CCM2: variants seen among roughly 807,000 people sequenced by gnomAD.
CCM2 encodes cerebral cavernous malformations 2 protein.
In CCM2, 25 loss-of-function variants were observed where a neutral mutation model predicts 44.9. The ratio of observed to expected loss-of-function variants is 0.56; its 90% CI spans 0.41 to 0.78. The LOEUF is 0.78. Among genes scored for constraint, CCM2 ranks in the 30% least tolerant of loss-of-function variants. The pLI, the probability that CCM2 is intolerant of heterozygous loss-of-function variation, is 0.00. For missense variants in CCM2, 481 were observed against 580.6 expected (o/e 0.83, Z 1.76); for synonymous variants, 219 against 241.1 (o/e 0.91, Z 0.85).
chr7:45,068,284 G>A, intron 4 of CCM2, 159 bp from the exon 5 acceptor site: 1 of 865,334 alleles, frequency 1.2e-6, no homozygotes, highest in East Asian at 2.5e-5. Context: ...GAGAAGCGAA[G>A]TGTGTCTGGT....
intron 1 of CCM2, among the ~76,000 whole-genome samples, chr7:45,002,310 C>T (rs143585576): frequency 4.9e-4 from 75 of 152,330 alleles, no homozygotes; most frequent in African/African-American, 1.7e-3. Flanking sequence ...ATGGTAGCTA[C>T]GCCTGTAATC....
At chr7:45,047,377 C>G (rs949006052) in intron 2 of CCM2, among the ~76,000 whole-genome samples, 2 of 152,152 alleles carry the variant, frequency 1.3e-5, no homozygotes, top group East Asian at 1.9e-4. Flanking sequence ...GAAGACTATT[C>G]AATAATACAA....
chr7:45,022,333 G>C (rs1796513517), intron 1 of CCM2, among the ~76,000 whole-genome samples: 1 of 100,558 alleles, frequency 9.9e-6, no homozygotes, highest in Non-Finnish European at 1.8e-5. Context: ...ATGGAGTCTT[G>C]CTCTGTTGCC....
chr7:45,013,239 ACTCC>A (rs984003041), intron 1 of CCM2, among the ~76,000 whole-genome samples: 1 of 145,714 alleles, frequency 6.9e-6, no homozygotes, highest in African/African-American at 2.5e-5. Flanking sequence ...TTCCATTTGT[ACTCC>A]CTCCTGTTTT....
Position 45,038,270 on chromosome 7 carries a change from A to G in CCM2, c.48A>G (p.Pro16=), listed in dbSNP as rs142320735. 4.3e-6 allele frequency: 7 copies of G among 1,614,048 alleles called. No homozygotes were observed. The highest frequency in any genetic ancestry group is 5.9e-6 in the Non-Finnish European group (7 of 1,180,044). ...KKGKKPGIVS[P]FKRVFLKGEK... ...GCCTGCAGCCTGGAATTGTCTCGCCATTTAAACGAGTATTCCTAAAAGGTG... is the reference window on the plus strand; with the variant it reads ...GCCTGCAGCCTGGAATTGTCTCGCCGTTTAAACGAGTATTCCTAAAAGGTG... Residue 16 remains proline, a synonymous_variant, in exon 2 of 10, where the codon CCA becomes CCG. Coordinates refer to ENST00000258781, the MANE Select transcript of CCM2 (RefSeq NM_031443.4).
intron 4 of CCM2, among the ~76,000 whole-genome samples, chr7:45,067,279 G>A (rs1798827741): frequency 6.7e-6 from 1 of 149,802 alleles, no homozygotes; most frequent in Non-Finnish European, 1.5e-5. Flanking sequence ...TGCAATCTCC[G>A]CCCCCCGAGT....
At chr7:45,052,679 A>G (rs967807159) in intron 2 of CCM2, among the ~76,000 whole-genome samples, 3 of 152,210 alleles carry the variant, frequency 2.0e-5, no homozygotes, top group Admixed American at 2.0e-4. Context: ...TAAAGATTCC[A>G]TTTAGCTCAG....
chr7:45,002,343 T>G (rs1795672268), intron 1 of CCM2, among the ~76,000 whole-genome samples: 1 of 152,146 alleles, frequency 6.6e-6, no homozygotes. Context: ...AGGCCAAGGC[T>G]CGATCACTTT....
chr7:45,057,314 C>T (rs183836416), intron 2 of CCM2, among the ~76,000 whole-genome samples: 240 of 152,220 alleles, frequency 1.6e-3, no homozygotes, highest in African/African-American at 5.6e-3. Context: ...AGGTGTGCGC[C>T]GCCACACCCG....
intron 4 of CCM2, among the ~76,000 whole-genome samples, chr7:45,065,151 TAGAATTGGGC>T (rs11276086): frequency 0.23 from 35,637 of 151,724 alleles, 4,568 homozygotes; most frequent in African/African-American, 0.34. Flanking sequence ...CACAATGGGA[TAGAATTGGGC>T]AGAATTGGGC....
At chr7:45,053,706 T>G (rs1192805650) in intron 2 of CCM2, among the ~76,000 whole-genome samples, 1 of 152,130 alleles carries the variant, frequency 6.6e-6, no homozygotes, top group Non-Finnish European at 1.5e-5. Context: ...AGCTTCCCCT[T>G]CGGAGGCTGG....
intron 6 of CCM2, chr7:45,072,360 CAG>C (rs1263043521): frequency 1.5e-5 from 6 of 391,044 alleles, no homozygotes; most frequent in Non-Finnish European, 9.8e-6. Flanking sequence ...CAAGTGAAGA[CAG>C]GGGTGATATA....
intron 2 of CCM2, among the ~76,000 whole-genome samples, chr7:45,050,770 G>C (rs1473098330): frequency 1.3e-5 from 2 of 152,112 alleles, no homozygotes; most frequent in African/African-American, 4.8e-5. Flanking sequence ...TGTAAAGTTA[G>C]TTTTAAATGT....
At position 45,076,181 on chromosome 7, in the gene CCM2, G is replaced by A. The variant is rs768868194; in HGVS notation, c.*124G>A. 7.4e-7 allele frequency: 1 copy of A among 1,343,496 alleles called. No individual in the cohort carries two copies. Among genetic ancestry groups the A allele is most frequent in the East Asian group, 2.5e-5 (1 of 40,434 alleles). The allele number at this position is 1,343,496 out of a possible 1,614,324, so 83.2% of individuals were successfully genotyped here. On this transcript the variant is annotated 3_prime_UTR_variant, in exon 10 of 10. Transcript: ENST00000258781. Reference sequence around the variant, plus strand: ...CCAGGGAGAGGCGCCCGGTGCAGATGGCCCCGGGCGGCCCAGGTCCTCTAC... The same window carrying A: ...CCAGGGAGAGGCGCCCGGTGCAGATAGCCCCGGGCGGCCCAGGTCCTCTAC...
intron 2 of CCM2, among the ~76,000 whole-genome samples, chr7:45,057,581 T>A (rs868191060): frequency 6.6e-6 from 1 of 152,338 alleles, no homozygotes. Flanking sequence ...AATTTATTAC[T>A]GATAAATGTA....
chr7:45,013,666 C>G (rs1160414751), intron 1 of CCM2, among the ~76,000 whole-genome samples: 1 of 152,130 alleles, frequency 6.6e-6, no homozygotes, highest in African/African-American at 2.4e-5. Flanking sequence ...TTATATAGCT[C>G]TAGGATCCAT....
intron 2 of CCM2, among the ~76,000 whole-genome samples, chr7:45,055,064 C>G (rs896510826): frequency 6.6e-6 from 1 of 152,148 alleles, no homozygotes; most frequent in African/African-American, 2.4e-5. Flanking sequence ...ATCGTGAATC[C>G]TCTTTAGAGA....
At chr7:45,000,465 G>C (rs1316060684) in intron 1 of CCM2, 102 bp downstream of exon 1, 1 of 65,818 alleles carries the variant, frequency 1.5e-5, no homozygotes. Flanking sequence ...GGGGGGGGGG[G>C]CAGTGGGCCA....
rs569335707 is a variant in CCM2 at position 45,018,980 on chromosome 7, G to A, written c.30+18617G>A. ...TTGCCATGTTGACCAGGCTGGTCTCGAACTCCTGACCTCAGATGATCTGCC... is the reference window on the plus strand; with the variant it reads ...TTGCCATGTTGACCAGGCTGGTCTCAAACTCCTGACCTCAGATGATCTGCC... On this transcript the variant is annotated intron_variant, in intron 1 of 9. Transcript: ENST00000258781. Among the ~76,000 whole-genome samples the A allele has an allele frequency of 6.7e-5, 10 of 149,944 alleles. No individual in the cohort carries two copies. The East Asian group carries it at 1.8e-3, about 27-fold the overall frequency.
Sources: gnomAD v4.1 joint callset for allele counts (sites outside exome capture counted in the v4.1 genomes callset) on GRCh38, gnomAD v4.1.1 for gene constraint, MANE v1.5 for transcripts, NCBI Gene and HGNC (gene_info 2026-07-23, HGNC 2026-07-21) for gene names.